Variants in STK33 observed in about 807,000 individuals in gnomAD.
STK33 encodes serine/threonine kinase 33.
In STK33, 52 loss-of-function variants were observed where a neutral mutation model predicts 58.0. The observed-to-expected ratio is 0.90, with a 90% CI of 0.72 to 1.13. The LOEUF is 1.13. Among genes scored for constraint, STK33 ranks in the 50% most tolerant of loss-of-function variants. STK33 has a pLI of 0.00. For synonymous variants in STK33, 215 were observed against 200.1 expected (o/e 1.07, Z -0.63); for missense variants, 630 against 604.2 (o/e 1.04, Z -0.45).
intron 15 of STK33, among the ~76,000 whole-genome samples, chr11:8,400,835 CAGAG>C (rs1431347814): frequency 2.0e-5 from 3 of 152,136 alleles, no homozygotes; most frequent in African/African-American, 7.2e-5. Flanking sequence ...AACAGACAAA[CAGAG>C]AGCCAAATCA....
intron 1 of STK33, among the ~76,000 whole-genome samples, chr11:8,579,713 C>T (rs566871503): frequency 2.4e-4 from 36 of 152,210 alleles, no homozygotes; most frequent in Middle Eastern, 6.8e-3. Flanking sequence ...AGGAAGTCAT[C>T]AAGTATGCTA....
chr11:8,583,060 A>C (rs2030710838), intron 1 of STK33, among the ~76,000 whole-genome samples: 1 of 152,198 alleles, frequency 6.6e-6, no homozygotes, highest in Admixed American at 6.5e-5. Context: ...ACACCACCAG[A>C]ATGTTTTTCC....
intron 12 of STK33, among the ~76,000 whole-genome samples, chr11:8,439,676 C>T (rs1944474677): frequency 1.3e-5 from 2 of 151,370 alleles, no homozygotes; most frequent in East Asian, 3.9e-4. Flanking sequence ...TGAAATGTGA[C>T]CTGGAATCAT....
chr11:8,570,240 T>C (rs1194690106), intron 1 of STK33, among the ~76,000 whole-genome samples: 1 of 152,152 alleles, frequency 6.6e-6, no homozygotes, highest in Non-Finnish European at 1.5e-5. Flanking sequence ...CCAGAAAGAT[T>C]AAAGTTTAAA....
chr11:8,549,171 T>C (rs1223131638), intron 1 of STK33, among the ~76,000 whole-genome samples: 1 of 152,228 alleles, frequency 6.6e-6, no homozygotes, highest in African/African-American at 2.4e-5. Flanking sequence ...GTTCAGAGTT[T>C]TTATCATGAA....
chr11:8,575,559 A>G (rs988653131), intron 1 of STK33, among the ~76,000 whole-genome samples: 1 of 152,166 alleles, frequency 6.6e-6, no homozygotes, highest in South Asian at 2.1e-4. Context: ...ATTCGTGGAG[A>G]CAGACAGTAG....
chr11:8,583,540 T>C (rs2030835154), intron 1 of STK33, among the ~76,000 whole-genome samples: 1 of 152,110 alleles, frequency 6.6e-6, no homozygotes, highest in South Asian at 2.1e-4. Flanking sequence ...ATAAGAAAGA[T>C]ACGGGGAGGG....
the STK33 span, among the ~76,000 whole-genome samples, chr11:8,360,213 G>C: frequency 6.6e-6 from 1 of 152,238 alleles, no homozygotes; most frequent in Admixed American, 6.5e-5. Context: ...TGATTTGCCT[G>C]TTCCCAGGTC....
intron 1 of STK33, among the ~76,000 whole-genome samples, chr11:8,518,641 G>A (rs1361989481): frequency 6.6e-6 from 1 of 152,176 alleles, no homozygotes; most frequent in Non-Finnish European, 1.5e-5. Context: ...AAGGGATGGA[G>A]GAAGATCTAC....
At chr11:8,559,297 C>A (rs1365931949) in intron 1 of STK33, among the ~76,000 whole-genome samples, 21 of 152,172 alleles carry the variant, frequency 1.4e-4, no homozygotes, top group Non-Finnish European at 2.9e-5. Flanking sequence ...ACAAAGCCAA[C>A]AAAATGGCAT....
At chr11:8,379,796 G>A in the STK33 span, among the ~76,000 whole-genome samples, 6 of 151,868 alleles carry the variant, frequency 4.0e-5, no homozygotes, top group South Asian at 1.2e-3. Context: ...CCTCTGATAG[G>A]CCCCCGTGTC....
intron 7 of STK33, among the ~76,000 whole-genome samples, chr11:8,462,472 C>CATATATAT (rs1554950292): frequency 7.0e-6 from 1 of 141,870 alleles, no homozygotes; most frequent in African/African-American, 2.7e-5. Flanking sequence ...CACACACACA[C>CATATATAT]ATATATATAT....
chr11:8,417,633 G>A (rs1455221354), intron 14 of STK33, among the ~76,000 whole-genome samples: 1 of 152,076 alleles, frequency 6.6e-6, no homozygotes, highest in African/African-American at 2.4e-5. Flanking sequence ...AGAGCTAGAA[G>A]ACTTTATTTT....
At chr11:8,507,612 T>G (rs193065206) in intron 1 of STK33, among the ~76,000 whole-genome samples, 3 of 152,148 alleles carry the variant, frequency 2.0e-5, no homozygotes, top group Admixed American at 1.3e-4. Context: ...TAAAGAAGAC[T>G]AAATAAGGGG....
At chr11:8,525,828 T>C (rs969276787) in intron 1 of STK33, among the ~76,000 whole-genome samples, 14 of 152,092 alleles carry the variant, frequency 9.2e-5, no homozygotes, top group African/African-American at 3.4e-4. Context: ...TTAGAATGTA[T>C]AAAAACTTCC....
chr11:8,408,214 G>T (rs986624982), intron 15 of STK33, among the ~76,000 whole-genome samples: 1 of 152,104 alleles, frequency 6.6e-6, no homozygotes, highest in Non-Finnish European at 1.5e-5. Context: ...AGAGATAAAT[G>T]GACCCAAATT....
Position 8,474,750 on chromosome 11 carries a change from T to C in STK33, c.156A>G (p.Glu52=), listed in dbSNP as rs779349616. 1 of 1,613,240 alleles carries C rather than the reference T, an allele frequency of 6.2e-7. No individual in the cohort carries two copies. Among genetic ancestry groups the C allele is most frequent in the East Asian group, 2.2e-5 (1 of 44,866 alleles). ...TTTTTCTCTCCAGTGAAATTAAAGATTCTGCACTACCAATGCTTGATGTCT... is the reference window on the plus strand; with the variant it reads ...TTTTTCTCTCCAGTGAAATTAAAGACTCTGCACTACCAATGCTTGATGTCT... The part of the protein sequence containing the change: ...MSQTSSIGSA[E]SLISLERKKE... Residue 52 remains glutamate, a synonymous_variant, in exon 5 of 16, where the codon GAA becomes GAG. Coordinates refer to ENST00000687296, the MANE Select transcript of STK33 (RefSeq NM_001352389.2).
intron 15 of STK33, among the ~76,000 whole-genome samples, chr11:8,407,323 C>T (rs1423174991): frequency 2.0e-5 from 3 of 151,890 alleles, no homozygotes; most frequent in Non-Finnish European, 2.9e-5. Context: ...ACATCCTTGT[C>T]ATGTTTAGGT....
At chr11:8,396,635 C>T (rs894963807) in intron 15 of STK33, among the ~76,000 whole-genome samples, 3 of 152,188 alleles carry the variant, frequency 2.0e-5, no homozygotes, top group Non-Finnish European at 4.4e-5. Flanking sequence ...GGGTGCAGCG[C>T]ACCGAACGTG....
Sources: allele counts gnomAD v4.1 joint callset (sites outside exome capture counted in the v4.1 genomes callset), GRCh38; gene constraint gnomAD v4.1.1; transcripts MANE v1.5; gene names NCBI Gene and HGNC (gene_info 2026-07-23, HGNC 2026-07-21).